Variants in FAR1 observed in about 807,000 individuals in gnomAD.
The protein encoded by FAR1 is male sterility domain-containing protein 2.
FAR1 carries 22 observed loss-of-function variants against 61.1 expected under a neutral mutation model. The observed-to-expected ratio is 0.36, with a 90% confidence interval of 0.26 to 0.51. The LOEUF (loss-of-function observed/expected upper bound fraction) is 0.51. FAR1 is among the 20% of genes least tolerant of loss of function. The probability of loss-of-function intolerance (pLI) is 0.95; values close to 1 mark genes in which losing one functional copy is unlikely to be tolerated. For synonymous variants in FAR1, 206 were observed against 209.7 expected (o/e 0.98, Z 0.15); for missense variants, 359 against 626.9 (o/e 0.57, Z 4.56).
At chr11:13,686,241 T>G (rs1017044782) in intron 1 of FAR1, among the ~76,000 whole-genome samples, 5 of 152,174 alleles carry the variant, frequency 3.3e-5, no homozygotes, top group African/African-American at 1.2e-4. Flanking sequence ...AATTTTTCTT[T>G]CCCTTTCTTC....
intron 1 of FAR1, among the ~76,000 whole-genome samples, chr11:13,675,250 T>C (rs573818555): frequency 1.3e-5 from 2 of 152,264 alleles, no homozygotes; most frequent in East Asian, 1.9e-4. Flanking sequence ...ACTGTACATA[T>C]GTGAAACAGA....
At chr11:13,724,536 C>T (rs1391047152) in intron 10 of FAR1, among the ~76,000 whole-genome samples, 7 of 104,126 alleles carry the variant, frequency 6.7e-5, no homozygotes, top group African/African-American at 1.2e-4. Context: ...GGTGACAGAA[C>T]GAGACTCCGC....
At chr11:13,709,127 GTCT>G (rs1848471243) in intron 4 of FAR1, among the ~76,000 whole-genome samples, 3 of 151,424 alleles carry the variant, frequency 2.0e-5, no homozygotes, top group South Asian at 2.1e-4. Flanking sequence ...CCCTCTTTTA[GTCT>G]TCTTTCTTTC....
chr11:13,675,082 C>G (rs1848051566), intron 1 of FAR1, among the ~76,000 whole-genome samples: 2 of 146,668 alleles, frequency 1.4e-5, no homozygotes, highest in African/African-American at 5.0e-5. Flanking sequence ...CAGTTGTTAC[C>G]ATGCAGTGTG....
intron 3 of FAR1, 92 bp from the exon 4 acceptor site, chr11:13,707,804 CTCTG>C (rs1425449394): frequency 7.4e-5 from 63 of 854,670 alleles, no homozygotes; most frequent in African/African-American, 5.3e-5. Flanking sequence ...ACAAAAATTT[CTCTG>C]TCTCTCTACT....
intron 11 of FAR1, among the ~76,000 whole-genome samples, chr11:13,728,207 CTT>C (rs1848686105): frequency 6.6e-6 from 1 of 151,744 alleles, no homozygotes; most frequent in Non-Finnish European, 1.5e-5. Context: ...TATTGTTACT[CTT>C]TGAGAAAAGG....
chr11:13,696,033 CT>C (rs2134180893), intron 2 of FAR1, among the ~76,000 whole-genome samples: 1 of 152,160 alleles, frequency 6.6e-6, no homozygotes, highest in East Asian at 1.9e-4. Flanking sequence ...CTTTGCTTCC[CT>C]TAAAACCTAC....
chr11:13,671,171 G>A (rs2134163634), intron 1 of FAR1, among the ~76,000 whole-genome samples: 1 of 152,330 alleles, frequency 6.6e-6, no homozygotes, highest in Admixed American at 6.5e-5. Context: ...GAGTGGCGTG[G>A]AGTGAATCAG....
chr11:13,671,761 C>G (rs553525012), intron 1 of FAR1, among the ~76,000 whole-genome samples: 5 of 152,106 alleles, frequency 3.3e-5, no homozygotes, highest in Non-Finnish European at 7.4e-5. Context: ...TAGGAGGGGA[C>G]AGGTCAGGAT....
rs375047765 is a variant in FAR1, at chr11:13,712,035, C to T, written c.876C>T (p.Ser292=). 9 of 1,607,006 alleles carry T rather than the reference C, an allele frequency of 5.6e-6. No homozygotes were observed. Among genetic ancestry groups the T allele is most frequent in the African/African-American group, 4.0e-5 (3 of 74,606 alleles). ...TGAGTCTTGCGGCAGCCTGGTATTCCGGAGTTAATAGGTATATGAGGTGAC... is the reference window on the plus strand; with the variant it reads ...TGAGTCTTGCGGCAGCCTGGTATTCTGGAGTTAATAGGTATATGAGGTGAC... ...VNMSLAAAWY[S]GVNRPRNIMV... The change falls in exon 7 of 12, where the codon TCC becomes TCT. Residue 292 remains serine, a synonymous_variant. Coordinates refer to ENST00000354817, the MANE Select transcript of FAR1 (RefSeq NM_032228.6).
At position 13,721,552 on chromosome 11, in the gene FAR1, G is replaced by A. The variant is rs1009791267; in HGVS notation, c.1128-178G>A. ...TGTTTTCCTTTTGGATTTATAAATT[G>A]TTCATCCAAGATGCAGAAATAGTCT... On this transcript the variant is annotated intron_variant, in intron 9 of 11. Transcript: ENST00000354817. The surrounding 1 kb of genome is among the most constrained non-coding windows in gnomAD (Gnocchi z 4.2). 1 of 507,580 alleles carries A rather than the reference G, an allele frequency of 2.0e-6. No homozygotes were observed. The highest frequency in any genetic ancestry group is 4.1e-5 in the Admixed American group (1 of 24,186). The allele number at this position is 507,580 out of a possible 1,614,324, so 31.4% of individuals were successfully genotyped here. A position where few individuals can be genotyped will look rare whatever the true frequency, so the allele number is the denominator to read the frequency against.
rs929784115 is a variant in FAR1, at chr11:13,705,018, A to G, written c.366-2882A>G. 9.2e-5 allele frequency among the ~76,000 whole-genome samples: 14 copies of G among 152,198 alleles called. No individual in the cohort carries two copies. In the South Asian group the frequency reaches 2.7e-3, roughly 29 times the overall value. Reference sequence around the variant, plus strand: ...TCTTTGAAAAACCTAAGATGCCTGTAGAAGAAAGACGAACAAGAAAATGTA... The same window carrying G: ...TCTTTGAAAAACCTAAGATGCCTGTGGAAGAAAGACGAACAAGAAAATGTA... On this transcript the variant is annotated intron_variant, in intron 3 of 11. Coordinates refer to ENST00000354817, the MANE Select transcript of FAR1 (RefSeq NM_032228.6).
At chr11:13,710,632 G>A in intron 4 of FAR1, 61 bp from the exon 5 acceptor site, 3 of 1,419,604 alleles carry the variant, frequency 2.1e-6, no homozygotes, top group Non-Finnish European at 2.8e-6. Flanking sequence ...GTTCAATTAA[G>A]TAGCTTTTTA....
intron 2 of FAR1, among the ~76,000 whole-genome samples, chr11:13,699,557 T>G (rs1169253355): frequency 6.6e-6 from 1 of 152,148 alleles, no homozygotes; most frequent in Non-Finnish European, 1.5e-5. Context: ...AGAGTCAAAG[T>G]GTGATAGAGC....
intron 1 of FAR1, among the ~76,000 whole-genome samples, chr11:13,692,174 A>G (rs892949905): frequency 6.6e-6 from 1 of 152,170 alleles, no homozygotes; most frequent in South Asian, 2.1e-4. Context: ...CCAGAAGGAA[A>G]AACTTTTAAG....
intron 3 of FAR1, 71 bp downstream of exon 3, chr11:13,700,563 TTTTA>T (rs1848360432): frequency 1.7e-5 from 17 of 990,212 alleles, no homozygotes; most frequent in Non-Finnish European, 2.2e-5. Context: ...TAATTCTACT[TTTTA>T]GTCAATTTGT....
chr11:13,714,049 C>T (rs1444693910), intron 8 of FAR1, among the ~76,000 whole-genome samples: 1 of 152,044 alleles, frequency 6.6e-6, no homozygotes, highest in Non-Finnish European at 1.5e-5. Flanking sequence ...ATATAAATTA[C>T]AACAGAAGTT....
At position 13,694,874 on chromosome 11, in the gene FAR1, G is replaced by A; in HGVS notation, c.109G>A (p.Val37Met). ...LEKLLRSCPK[V>M]NSVYVLVRQK... ...AAAGTTGCTGAGGTCTTGTCCTAAG[G>A]TGAATTCAGTATATGTTTTGGTGAG... is the stretch of plus-strand genomic sequence containing the variant. The change falls in exon 2 of 12, where the codon GTG becomes ATG. Residue 37 changes from valine (V) to methionine (M), a missense_variant. Coordinates refer to ENST00000354817, the MANE Select transcript of FAR1 (RefSeq NM_032228.6). 1 of 1,614,086 alleles carries A rather than the reference G, an allele frequency of 6.2e-7. No homozygotes were observed. The highest frequency in any genetic ancestry group is 8.5e-7 in the Non-Finnish European group (1 of 1,179,968).
chr11:13,696,837 A>G (rs1848311357), intron 2 of FAR1, among the ~76,000 whole-genome samples: 1 of 152,158 alleles, frequency 6.6e-6, no homozygotes, highest in South Asian at 2.1e-4. Context: ...AATTTTAGGT[A>G]TGGTCTACTC....
Sources: allele counts gnomAD v4.1 joint callset (sites outside exome capture counted in the v4.1 genomes callset), GRCh38; gene constraint gnomAD v4.1.1; non-coding constraint Gnocchi (gnomAD v3.1); transcripts MANE v1.5; gene names NCBI Gene and HGNC (gene_info 2026-07-23, HGNC 2026-07-21).